Variants in DYRK1A observed in about 807,000 individuals in gnomAD.
DYRK1A encodes dual specificity tyrosine phosphorylation regulated kinase 1A.
Under a neutral mutation model 79.7 loss-of-function variants are expected in DYRK1A, and 9 were observed. The observed-to-expected ratio is 0.11, with a 90% CI of 0.07 to 0.20. The LOEUF (loss-of-function observed/expected upper bound fraction) is 0.20, where lower values mean the gene tolerates loss of function less well. Ranked by LOEUF, DYRK1A falls within the 10% of genes least tolerant of loss-of-function variation. DYRK1A has a pLI of 1.00. For synonymous variants in DYRK1A, 349 were observed against 329.7 expected, an observed-to-expected ratio of 1.06 and a Z score of -0.63; for missense variants, 622 against 956.0, an observed-to-expected ratio of 0.65 and a Z score of 4.61.
At position 37,486,407 on chromosome 21, in the gene DYRK1A, T is replaced by C. The variant is rs1353698331; in HGVS notation, c.490-60T>C. The C allele has an allele frequency of 3.9e-6, 5 of 1,281,228 alleles. No individual in the cohort carries two copies. The South Asian group carries it at 7.8e-5, about 20-fold the overall frequency. 79.4% of individuals were successfully genotyped at this position (1,281,228 alleles called of 1,614,324 possible). A position where few individuals can be genotyped will look rare whatever the true frequency, so the allele number is the denominator to read the frequency against. On this transcript the variant is annotated intron_variant, in intron 5 of 11. Coordinates refer to ENST00000647188, the MANE Select transcript of DYRK1A (RefSeq NM_001347721.2). Reference sequence around the variant, plus strand: ...TAAATGTTATAATTAAGGTGAATTATAAATTATTGTGAAATTTTTGCAATT... The same window carrying C: ...TAAATGTTATAATTAAGGTGAATTACAAATTATTGTGAAATTTTTGCAATT...
At chr21:37,458,306 G>A (rs1353057291) in intron 2 of DYRK1A, among the ~76,000 whole-genome samples, 1 of 150,562 alleles carries the variant, frequency 6.6e-6, no homozygotes, top group Non-Finnish European at 1.5e-5. Flanking sequence ...GTGTGTGTGT[G>A]TACATATACA....
At chr21:37,383,837 A>C (rs34680041) in intron 1 of DYRK1A, among the ~76,000 whole-genome samples, 1 of 148,370 alleles carries the variant, frequency 6.7e-6, no homozygotes, top group African/African-American at 2.5e-5. Flanking sequence ...GTAATGGTGT[A>C]TGTGTGTGTG....
At chr21:37,374,266 C>T (rs1175588397) in intron 1 of DYRK1A, among the ~76,000 whole-genome samples, 1 of 151,110 alleles carries the variant, frequency 6.6e-6, no homozygotes, top group Admixed American at 6.6e-5. Context: ...CGCATGTTGT[C>T]AGGATGTCAT....
At chr21:37,430,309 A>C (rs2050742147) in intron 2 of DYRK1A, 1 of 973,386 alleles carries the variant, frequency 1.0e-6, no homozygotes, top group Admixed American at 6.1e-5. Context: ...TACTGGAAGA[A>C]CATAGTGTAT....
chr21:37,396,361 T>C (rs926603480), intron 1 of DYRK1A, among the ~76,000 whole-genome samples: 9 of 152,220 alleles, frequency 5.9e-5, no homozygotes, highest in African/African-American at 2.2e-4. Context: ...TTGTCCGTTT[T>C]CTGTGTAATT....
intron 5 of DYRK1A, among the ~76,000 whole-genome samples, chr21:37,483,462 A>G (rs571838942): frequency 6.6e-6 from 1 of 152,162 alleles, no homozygotes; most frequent in Non-Finnish European, 1.5e-5. Flanking sequence ...TCTTCTTCCC[A>G]TGATTTGAAA....
At chr21:37,499,196 A>G (rs1288823554) in intron 9 of DYRK1A, among the ~76,000 whole-genome samples, 1 of 151,930 alleles carries the variant, frequency 6.6e-6, no homozygotes, top group Non-Finnish European at 1.5e-5. Flanking sequence ...AAGTTTGTGA[A>G]GATATTCTGT....
chr21:37,494,245 CAT>C (rs1324822823), intron 8 of DYRK1A, among the ~76,000 whole-genome samples: 3 of 151,646 alleles, frequency 2.0e-5, no homozygotes, highest in Non-Finnish European at 4.4e-5. Flanking sequence ...TAGTAACTGT[CAT>C]AGTTTGTTTT....
chr21:37,486,803 GT>G, intron 6 of DYRK1A, 189 bp downstream of exon 6: 1 of 468,946 alleles, frequency 2.1e-6, no homozygotes, highest in Non-Finnish European at 3.6e-6. Context: ...CTTGGGGAAT[GT>G]GCCTTCCATG....
chr21:37,398,121 T>C (rs1375700296), intron 1 of DYRK1A, among the ~76,000 whole-genome samples: 2 of 148,106 alleles, frequency 1.4e-5, no homozygotes, highest in Admixed American at 1.4e-4. Flanking sequence ...ATATTTTATA[T>C]TTATATATGT....
chr21:37,378,840 A>G (rs2049600832), intron 1 of DYRK1A, among the ~76,000 whole-genome samples: 1 of 152,204 alleles, frequency 6.6e-6, no homozygotes, highest in Non-Finnish European at 1.5e-5. Flanking sequence ...GTGGAGAGCT[A>G]GAAGAGCACA....
At chr21:37,479,600 G>GTTTTTTTTTTTTTTTTTTT in intron 4 of DYRK1A, among the ~76,000 whole-genome samples, 1 of 22,794 alleles carries the variant, frequency 4.4e-5, no homozygotes, top group East Asian at 2.8e-3. Flanking sequence ...TTTTGTTTTT[G>GTTTTTTTTTTTTTTTTTTT]TTTTTGTTTT....
At chr21:37,371,262 G>A (rs77704826) in intron 1 of DYRK1A, among the ~76,000 whole-genome samples, 1 of 152,184 alleles carries the variant, frequency 6.6e-6, no homozygotes, top group African/African-American at 2.4e-5. Flanking sequence ...ATCATTGAAG[G>A]TTCGTTCATA....
At chr21:37,483,270 C>T (rs544049370) in intron 5 of DYRK1A, among the ~76,000 whole-genome samples, 5 of 152,322 alleles carry the variant, frequency 3.3e-5, no homozygotes, top group African/African-American at 1.2e-4. Flanking sequence ...AATCCATGTT[C>T]TTCTGCCGTG....
chr21:37,413,991 G>C (rs923573761), intron 1 of DYRK1A, among the ~76,000 whole-genome samples: 1 of 152,092 alleles, frequency 6.6e-6, no homozygotes, highest in Admixed American at 6.6e-5. Context: ...TGCTTAAAAT[G>C]CATTTACGTC....
intron 1 of DYRK1A, among the ~76,000 whole-genome samples, chr21:37,372,951 A>G (rs1338702605): frequency 1.3e-5 from 2 of 152,206 alleles, no homozygotes; most frequent in African/African-American, 4.8e-5. Context: ...ATAATTGTTC[A>G]TTAAATTTCA....
intron 4 of DYRK1A, 67 bp downstream of exon 4, chr21:37,478,367 A>C: frequency 6.8e-7 from 1 of 1,475,216 alleles, no homozygotes; most frequent in Non-Finnish European, 9.3e-7. Flanking sequence ...AGTGTGACCT[A>C]TTTACCCTAA....
chr21:37,441,161 A>G (rs939626837), intron 2 of DYRK1A, among the ~76,000 whole-genome samples: 1 of 152,128 alleles, frequency 6.6e-6, no homozygotes, highest in African/African-American at 2.4e-5. Flanking sequence ...TCATCTCGTG[A>G]TATTCTTCAG....
intron 2 of DYRK1A, among the ~76,000 whole-genome samples, chr21:37,451,350 G>A (rs183385403): frequency 2.3e-4 from 28 of 123,358 alleles, no homozygotes; most frequent in Non-Finnish European, 5.0e-4. Flanking sequence ...CTTCCTCTCC[G>A]TCCCTCCATC....
Sources: gnomAD v4.1 joint callset for allele counts (sites outside exome capture counted in the v4.1 genomes callset) on GRCh38, gnomAD v4.1.1 for gene constraint, MANE v1.5 for transcripts, NCBI Gene and HGNC (gene_info 2026-07-23, HGNC 2026-07-21) for gene names.